MAP1B: variants seen among roughly 807,000 people sequenced by gnomAD.
The protein encoded by MAP1B is microtubule-associated protein 1B.
A neutral mutation model predicts 176.1 loss-of-function variants in MAP1B; 12 were observed. The observed-to-expected ratio is 0.07, with a 90% CI of 0.04 to 0.11. The LOEUF is 0.11. Among genes scored for constraint, MAP1B ranks in the 10% least tolerant of loss-of-function variants. The pLI is 1.00. For synonymous variants in MAP1B, 1,044 were observed against 1,135.0 expected, an observed-to-expected ratio of 0.92 and a Z score of 1.61; for missense variants, 2,523 against 2,990.5, an observed-to-expected ratio of 0.84 and a Z score of 3.65.
intron 4 of MAP1B, among the ~76,000 whole-genome samples, chr5:72,191,519 A>G (rs547658894): frequency 2.6e-5 from 4 of 152,286 alleles, no homozygotes; most frequent in Admixed American, 2.6e-4. Flanking sequence ...GCTGTGGGGG[A>G]AAACACGGGC....
chr5:72,121,807 T>A (rs1313032436), intron 2 of MAP1B, among the ~76,000 whole-genome samples: 1 of 152,242 alleles, frequency 6.6e-6, no homozygotes, highest in African/African-American at 2.4e-5. Flanking sequence ...AACTGCTCTA[T>A]GACAGGGAGT....
intron 2 of MAP1B, among the ~76,000 whole-genome samples, chr5:72,167,377 C>T (rs1746451774): frequency 6.6e-6 from 1 of 152,108 alleles, no homozygotes; most frequent in Admixed American, 6.5e-5. Context: ...TCAGAGCTTC[C>T]AGAAAATATT....
chr5:72,116,038 G>GTA lies in MAP1B; in HGVS notation c.286+248_286+249dup, dbSNP rs752938029. The GTA allele has an allele frequency of 1.6e-3, 669 of 410,502 alleles. 2 individuals are homozygous for GTA. Among genetic ancestry groups the GTA allele is most frequent in the Middle Eastern group, 2.3e-3 (3 of 1,310 alleles). The allele number at this position is 410,502 out of a possible 1,614,324, so 25.4% of individuals were successfully genotyped here. A position where few individuals can be genotyped will look rare whatever the true frequency, so the allele number is the denominator to read the frequency against. ...TTTTAAGTTCTAGGGTTGTGTATGT[G>GTA]TATATATATACACACACACACATCA... On this transcript the variant is annotated intron_variant, in intron 2 of 6. Transcript: ENST00000296755.
intron 1 of MAP1B, among the ~76,000 whole-genome samples, chr5:72,108,504 G>A (rs1745188940): frequency 6.6e-6 from 1 of 152,252 alleles, no homozygotes; most frequent in Non-Finnish European, 1.5e-5. Flanking sequence ...CAGCGGGTAG[G>A]GTCAGCTCCT....
intron 4 of MAP1B, 25 bp from the exon 5 acceptor site, chr5:72,193,841 C>CT: frequency 6.5e-7 from 1 of 1,547,512 alleles, no homozygotes. Flanking sequence ...CCTTTTCTTT[C>CT]TTTCTTTCTT....
In MAP1B at chr5:72,205,077, C is replaced by A. The variant is rs374836858; in HGVS notation, c.7252-7C>A. ...TAAATAGCTATTTTTTTTTTCTCTC[C>A]CTGCAGGTGACACTGATCCCAACTC... On this transcript the variant is annotated splice_region_variant and splice_polypyrimidine_tract_variant and intron_variant, in intron 6 of 6. Transcript: ENST00000296755. 3.3e-5 allele frequency: 52 copies of A among 1,585,930 alleles called. 2 individuals carry two copies. In the South Asian group the frequency reaches 6.0e-4, roughly 18 times the overall value.
chr5:72,142,588 T>C (rs529747232), intron 2 of MAP1B, among the ~76,000 whole-genome samples: 2 of 152,302 alleles, frequency 1.3e-5, no homozygotes, highest in South Asian at 4.1e-4. Flanking sequence ...CATAAAGTTA[T>C]ATACTTCTCA....
At position 72,196,619 on chromosome 5, in the gene MAP1B, G is replaced by A. The variant is rs1747177276; in HGVS notation, c.3264G>A (p.Glu1088=). 1 of 1,614,048 alleles carries A rather than the reference G, an allele frequency of 6.2e-7. No individual in the cohort carries two copies. The highest frequency in any genetic ancestry group is 8.5e-7 in the Non-Finnish European group (1 of 1,180,042). The change falls in exon 5 of 7, where the codon GAG becomes GAA. Residue 1088 remains glutamate (E), a synonymous_variant. Transcript: ENST00000296755. The surrounding 1 kb of genome is among the most constrained non-coding windows in gnomAD (Gnocchi z 5.3). ...AACCTGCATCTTCAATTCATGATGAGACTTTACCTGGAGGCTCAGAGAGCG... is the reference window on the plus strand; with the variant it reads ...AACCTGCATCTTCAATTCATGATGAAACTTTACCTGGAGGCTCAGAGAGCG... ...GREPASSIHD[E]TLPGGSESEA...
In MAP1B at chr5:72,196,591, G is replaced by A. The variant is rs35910899; in HGVS notation, c.3236G>A (p.Arg1079Gln). ...TKQLGAQSPG[R>Q]EPASSIHDET... ...CAACTAGGAGCCCAGTCTCCTGGCC[G>A]AGAACCTGCATCTTCAATTCATGAT... is the stretch of plus-strand genomic sequence containing the variant. Residue 1079 changes from arginine (R) to glutamine (Q), a missense_variant, in exon 5 of 7, where the codon CGA (arginine) becomes CAA (glutamine). Physicochemically the swap from Arg to Gln is conservative, Grantham distance 43 (BLOSUM62 1). Around this residue, in one of 4 missense-constraint regions of MAP1B, gnomAD observed 1,925 missense variants for 2,126.0 expected, o/e 0.91. Coordinates refer to ENST00000296755, the MANE Select transcript of MAP1B (RefSeq NM_005909.5). The surrounding 1 kb of genome is among the most constrained non-coding windows in gnomAD (Gnocchi z 5.3). 2.4e-4 allele frequency: 387 copies of A among 1,613,806 alleles called. 1 individual carries two copies. In the African/African-American group the frequency reaches 3.8e-3, roughly 16 times the overall value.
At chr5:72,182,328 A>G (rs1746789839) in intron 2 of MAP1B, among the ~76,000 whole-genome samples, 1 of 152,156 alleles carries the variant, frequency 6.6e-6, no homozygotes, top group South Asian at 2.1e-4. Context: ...TGGAATCACC[A>G]TGTTTATCCT....
chr5:72,138,687 A>G (rs1226305886), intron 2 of MAP1B, among the ~76,000 whole-genome samples: 1 of 152,228 alleles, frequency 6.6e-6, no homozygotes, highest in Non-Finnish European at 1.5e-5. Context: ...TTTGGCCTGC[A>G]TTATTATAAA....
In MAP1B at chr5:72,186,537, G is replaced by T; in HGVS notation, c.370-77G>T. On this transcript the variant is annotated intron_variant, in intron 3 of 6. Transcript: ENST00000296755. The surrounding 1 kb of genome is among the most constrained non-coding windows in gnomAD (Gnocchi z 4.3). Reference sequence around the variant, plus strand: ...GCTGGTAATAAACTCCCATGGCTCCGAAGGCTAGCCCTGTCCTGAAGGTGG... The same window carrying T: ...GCTGGTAATAAACTCCCATGGCTCCTAAGGCTAGCCCTGTCCTGAAGGTGG... 1.3e-6 allele frequency: 2 copies of T among 1,543,924 alleles called. No homozygotes were observed. The highest frequency in any genetic ancestry group is 1.2e-5 in the South Asian group (1 of 84,486).
Position 72,197,949 on chromosome 5 carries a change from A to T in MAP1B, c.4594A>T (p.Thr1532Ser). 8.1e-6 allele frequency: 13 copies of T among 1,614,126 alleles called. No individual in the cohort carries two copies. The highest frequency in any genetic ancestry group is 1.1e-5 in the Non-Finnish European group (13 of 1,180,036). The change falls in exon 5 of 7, where the codon ACT (threonine) becomes TCT (serine). Residue 1532 changes from threonine to serine, a missense_variant. This residue lies in a region of MAP1B where 1,925 missense variants were observed against 2,126.0 expected (regional missense o/e 0.91). Coordinates refer to ENST00000296755, the MANE Select transcript of MAP1B (RefSeq NM_005909.5). ...AGGTACTGTCTCAGACAAGTCAGCT[A>T]CTCCTGTTGATGAGGGCGTAGCAGA... ...SEGTVSDKSA[T>S]PVDEGVAEDT...
At chr5:72,135,323 C>G (rs1745818875) in intron 2 of MAP1B, among the ~76,000 whole-genome samples, 1 of 152,178 alleles carries the variant, frequency 6.6e-6, no homozygotes, top group Admixed American at 6.5e-5. Flanking sequence ...TTTTTCACCT[C>G]TAAAAATTAT....
At chr5:72,185,545 G>A (rs56994342) in intron 3 of MAP1B, among the ~76,000 whole-genome samples, 1,665 of 150,620 alleles carry the variant, frequency 0.011, 21 homozygotes, top group African/African-American at 0.038. Context: ...AGTGAGCCGA[G>A]ATGGCGCCAC....
Position 72,204,980 on chromosome 5 carries a change from A to C in MAP1B, c.7252-104A>C. 3 of 757,382 alleles carry C rather than the reference A, an allele frequency of 4.0e-6. No homozygotes were observed. Among genetic ancestry groups the C allele is most frequent in the Non-Finnish European group, 4.0e-6 (2 of 495,178 alleles). The allele number at this position is 757,382 out of a possible 1,614,324, so 46.9% of individuals were successfully genotyped here. On this transcript the variant is annotated intron_variant, in intron 6 of 6. Coordinates refer to ENST00000296755, the MANE Select transcript of MAP1B (RefSeq NM_005909.5). The surrounding 1 kb of genome is among the most constrained non-coding windows in gnomAD (Gnocchi z 4.4). ...GAGGAAAATAGAAAAGTTTTCTCTC[A>C]TTTCCCTTCTTCTTCCAGTGGTCTA...
chr5:72,172,623 A>G (rs771045118), intron 2 of MAP1B, among the ~76,000 whole-genome samples: 30 of 152,178 alleles, frequency 2.0e-4, no homozygotes, highest in Non-Finnish European at 1.2e-4. Context: ...TATCAGATAA[A>G]CCTGTCAAGT....
At chr5:72,107,774 C>T in intron 1 of MAP1B, 59 bp downstream of exon 1, 2 of 1,570,856 alleles carry the variant, frequency 1.3e-6, no homozygotes, top group South Asian at 1.1e-5. Flanking sequence ...ACGACCCCAC[C>T]CAGGGCGCGA....
intron 1 of MAP1B, among the ~76,000 whole-genome samples, chr5:72,111,541 CT>C (rs1277684766): frequency 6.6e-6 from 1 of 152,108 alleles, no homozygotes; most frequent in Non-Finnish European, 1.5e-5. Flanking sequence ...TTTTCCTTTT[CT>C]TTTAACAGGG....
Sources: gnomAD v4.1 joint callset for allele counts (sites outside exome capture counted in the v4.1 genomes callset) on GRCh38, gnomAD v4.1.1 for gene constraint, gnomAD v4.1.1 regional missense constraint, Gnocchi (gnomAD v3.1) non-coding constraint, MANE v1.5 for transcripts, NCBI Gene and HGNC (gene_info 2026-07-23, HGNC 2026-07-21) for gene names.